Variants in DNMBP observed in about 807,000 individuals in gnomAD.
DNMBP encodes the protein dynamin-binding protein.
In DNMBP, 87 loss-of-function variants were observed where a neutral mutation model predicts 150.0. That is an observed-to-expected ratio of 0.58 (90% CI 0.49 to 0.69). The LOEUF is 0.69. Ranked by LOEUF, DNMBP falls within the 30% of genes least tolerant of loss-of-function variation. DNMBP has a pLI of 0.00. For synonymous variants in DNMBP, 711 were observed against 750.4 expected (o/e 0.95, Z 0.86); for missense variants, 1,774 against 1,949.0 (o/e 0.91, Z 1.69).
chr10:99,986,594 CAAAAAAAAAAAAAAA>C (rs747726572), intron 1 of DNMBP, among the ~76,000 whole-genome samples: 1,122 of 74,198 alleles, frequency 0.015, 33 homozygotes, highest in Middle Eastern at 0.1. Context: ...GACTCCGTCT[CAAAAAAAAAAAAAAA>C]AAAAAAAAAA....
At chr10:99,969,326 A>C (rs1382780789) in intron 2 of DNMBP, 89 bp from the exon 3 acceptor site, 15 of 1,366,188 alleles carry the variant, frequency 1.1e-5, no homozygotes, top group Non-Finnish European at 1.4e-5. Flanking sequence ...TTCTGAGTCC[A>C]TGTATAGACC....
chr10:99,987,537 C>T (rs1390572641), intron 1 of DNMBP, among the ~76,000 whole-genome samples: 2 of 151,968 alleles, frequency 1.3e-5, no homozygotes, highest in Admixed American at 6.6e-5. Flanking sequence ...AGTTCGAGAC[C>T]AACATGGCCA....
intron 11 of DNMBP, 116 bp from the exon 12 acceptor site, chr10:99,889,069 C>G: frequency 8.2e-7 from 1 of 1,216,880 alleles, no homozygotes; most frequent in Non-Finnish European, 1.1e-6. Context: ...TTGAAATTTT[C>G]TAACTAGTCT....
chr10:99,920,079 AT>A (rs567625840), intron 4 of DNMBP, among the ~76,000 whole-genome samples: 181 of 145,600 alleles, frequency 1.2e-3, no homozygotes, highest in Middle Eastern at 3.5e-3. Context: ...CTATATTTCC[AT>A]TTTTTTTTTT....
At chr10:99,987,751 G>A (rs1201210290) in intron 1 of DNMBP, among the ~76,000 whole-genome samples, 1 of 151,560 alleles carries the variant, frequency 6.6e-6, no homozygotes, top group Non-Finnish European at 1.5e-5. Context: ...AAAAAAAGAT[G>A]AAAGGAGAAA....
intron 14 of DNMBP, among the ~76,000 whole-genome samples, chr10:99,884,625 C>T (rs190184334): frequency 5.0e-4 from 76 of 152,262 alleles, no homozygotes; most frequent in Admixed American, 9.2e-4. Flanking sequence ...ATAATAAATT[C>T]AGGCTGGGCA....
At chr10:99,930,795 A>G (rs1324817007) in intron 4 of DNMBP, 1 of 625,502 alleles carries the variant, frequency 1.6e-6, no homozygotes, top group Non-Finnish European at 2.8e-6. Context: ...AGGTTTTACT[A>G]TTCTTTTCCA....
At position 99,880,225 on chromosome 10, in the gene DNMBP, G is replaced by C. The variant is rs2039344557; in HGVS notation, c.4134C>G (p.Asn1378Lys). Residue 1378 changes from asparagine to lysine, a missense_variant, in exon 16 of 17, where the codon AAC becomes AAG. By Grantham distance (94) the Asn-to-Lys change is moderately conservative. Around this residue, in one of 2 missense-constraint regions of DNMBP, gnomAD observed 1,430 missense variants for 1,492.5 expected, o/e 0.96. Transcript: ENST00000324109. The stretch of plus-strand genomic sequence containing the variant: ...GGTTGAAGGTCAGGGTGCTGCCGCT[G>C]TTCTGGCGTGGGAACCTGGGGGAGG... ...GSSSPRFPRQ[N>K]SGSTLTFNPS... 6.2e-7 allele frequency: 1 copy of C among 1,614,164 alleles called. No individual in the cohort carries two copies. The highest frequency in any genetic ancestry group is 1.3e-5 in the African/African-American group (1 of 75,046).
At chr10:100,006,718 G>C (rs1282143265) in intron 1 of DNMBP, among the ~76,000 whole-genome samples, 1 of 149,500 alleles carries the variant, frequency 6.7e-6, no homozygotes, top group African/African-American at 2.5e-5. Context: ...TGGCCACCAT[G>C]ACCTTGCCAC....
rs1214599360 is a variant in DNMBP, at chr10:99,955,644, T to G, written c.1830A>C (p.Pro610=). ...ELPERRKALR[P]PPPRPCTPVS... The stretch of plus-strand genomic sequence containing the variant: ...CCGGAGTACAGGGACGAGGTGGCGG[T>G]GGCCTTAGGGCCTTTCTCCTTTCCG... Residue 610 remains proline (P), a synonymous_variant, in exon 4 of 17, where the codon CCA becomes CCC. Transcript: ENST00000324109. 1.1e-5 allele frequency: 17 copies of G among 1,614,096 alleles called. No homozygotes were observed. The highest frequency in any genetic ancestry group is 1.4e-5 in the Non-Finnish European group (16 of 1,180,040).
intron 1 of DNMBP, among the ~76,000 whole-genome samples, chr10:99,988,173 A>C (rs1205607615): frequency 1.3e-5 from 2 of 152,202 alleles, no homozygotes; most frequent in East Asian, 3.8e-4. Flanking sequence ...TGATGTCATA[A>C]GTTTAAATGT....
chr10:99,882,708 A>C (rs1012443051), intron 15 of DNMBP, among the ~76,000 whole-genome samples: 1 of 152,186 alleles, frequency 6.6e-6, no homozygotes, highest in African/African-American at 2.4e-5. Context: ...CATGTTGGAG[A>C]TGTAGTCATC....
chr10:99,948,013 TA>T (rs748724960), intron 4 of DNMBP, among the ~76,000 whole-genome samples: 1 of 152,186 alleles, frequency 6.6e-6, no homozygotes, highest in Non-Finnish European at 1.5e-5. Context: ...ATGTTGATGA[TA>T]GGGGAAGCTA....
chr10:99,882,363 T>A (rs1181753471), intron 15 of DNMBP, among the ~76,000 whole-genome samples: 1 of 152,324 alleles, frequency 6.6e-6, no homozygotes, highest in East Asian at 1.9e-4. Flanking sequence ...GGATTCTGAA[T>A]GATATCTCTG....
Position 99,943,856 on chromosome 10 carries a change from C to T in DNMBP, c.2260+11358G>A, listed in dbSNP as rs370422838. 3.3e-5 allele frequency among the ~76,000 whole-genome samples: 5 copies of T among 152,334 alleles called. No individual in the cohort carries two copies. In the East Asian group the frequency reaches 9.6e-4, roughly 29 times the overall value. ...AAAGACGTTATTGTTCCATATCAGT[C>T]ATTCTCCAGCTTGTTAATCTACTGG... is the stretch of plus-strand genomic sequence containing the variant. On this transcript the variant is annotated intron_variant, in intron 4 of 16. Coordinates refer to ENST00000324109, the MANE Select transcript of DNMBP (RefSeq NM_015221.4).
chr10:99,955,391 G>A lies in DNMBP; in HGVS notation c.2083C>T (p.Leu695=). ...CGCTCCATTTCCTCAATCCTCACCAGCACTAAGGGGCATGGGGAGGTCTGG... is the reference window on the plus strand; with the variant it reads ...CGCTCCATTTCCTCAATCCTCACCAACACTAAGGGGCATGGGGAGGTCTGG... The part of the protein sequence containing the change: ...LDQTSPCPLV[L]VRIEEMERDL... The change falls in exon 4 of 17, where the codon CTG becomes TTG. Residue 695 remains leucine, a synonymous_variant. Transcript: ENST00000324109. 6.2e-7 allele frequency: 1 copy of A among 1,614,164 alleles called. No individual in the cohort carries two copies. Among genetic ancestry groups the A allele is most frequent in the South Asian group, 1.1e-5 (1 of 91,082 alleles).
chr10:99,976,626 T>C (rs972092249), intron 1 of DNMBP, among the ~76,000 whole-genome samples: 1 of 152,168 alleles, frequency 6.6e-6, no homozygotes, highest in Admixed American at 6.5e-5. Context: ...GCTAACAAAC[T>C]CTACTGTGGT....
chr10:99,990,746 T>A (rs531527109), intron 1 of DNMBP, among the ~76,000 whole-genome samples: 54 of 143,092 alleles, frequency 3.8e-4, no homozygotes, highest in Non-Finnish European at 7.3e-4. Flanking sequence ...TATATGCACA[T>A]GTATATACAC....
chr10:100,005,771 AAAAAAAAAAAAAACC>A (rs796806870), intron 1 of DNMBP, among the ~76,000 whole-genome samples: 8,678 of 141,936 alleles, frequency 0.061, 511 homozygotes, highest in African/African-American at 0.11. Flanking sequence ...CTCCAAAAAA[AAAAAAAAAAAAAACC>A]AAACTACATA....
Sources: allele counts gnomAD v4.1 joint callset (sites outside exome capture counted in the v4.1 genomes callset), GRCh38; gene constraint gnomAD v4.1.1; regional missense constraint gnomAD v4.1.1; transcripts MANE v1.5; gene names NCBI Gene and HGNC (gene_info 2026-07-23, HGNC 2026-07-21).